Variants in BIVM observed in about 807,000 individuals in gnomAD.
The protein encoded by BIVM is basic immunoglobulin-like variable motif-containing protein.
Under a neutral mutation model 61.4 loss-of-function variants are expected in BIVM, and 31 were observed. The observed-to-expected ratio is 0.51, with a 90% CI of 0.38 to 0.68. The LOEUF (loss-of-function observed/expected upper bound fraction) is 0.68, where lower values mean the gene tolerates loss of function less well. Ranked by LOEUF, BIVM falls within the 30% of genes least tolerant of loss-of-function variation. The pLI is 0.00. For missense variants in BIVM, 526 were observed against 596.0 expected (o/e 0.88, Z 1.22); for synonymous variants, 189 against 210.7 (o/e 0.90, Z 0.89).
intron 7 of BIVM, among the ~76,000 whole-genome samples, chr13:102,825,101 C>T (rs528963098): frequency 6.6e-6 from 1 of 152,188 alleles, no homozygotes; most frequent in South Asian, 2.1e-4. Flanking sequence ...CACCACCATG[C>T]CCGGCTAATT....
chr13:102,806,727 A>G (rs976638197), intron 2 of BIVM, among the ~76,000 whole-genome samples: 9 of 152,076 alleles, frequency 5.9e-5, no homozygotes, highest in Non-Finnish European at 8.8e-5. Flanking sequence ...CCTGACCAAG[A>G]TGGAGAAACC....
At chr13:102,837,769 A>G (rs1364722908) in intron 9 of BIVM, among the ~76,000 whole-genome samples, 1 of 152,260 alleles carries the variant, frequency 6.6e-6, no homozygotes, top group Non-Finnish European at 1.5e-5. Flanking sequence ...GTGGAGCCGG[A>G]GGCCGTTATT....
intron 2 of BIVM, among the ~76,000 whole-genome samples, chr13:102,806,597 T>C (rs1266051501): frequency 6.6e-6 from 1 of 152,198 alleles, no homozygotes; most frequent in Non-Finnish European, 1.5e-5. Flanking sequence ...ATTCAGATAC[T>C]TTGCCCATTT....
At chr13:102,826,424 C>T (rs1880674347) in intron 7 of BIVM, among the ~76,000 whole-genome samples, 1 of 152,178 alleles carries the variant, frequency 6.6e-6, no homozygotes, top group Non-Finnish European at 1.5e-5. Context: ...AACTTTACAT[C>T]TTAGCAGTGC....
At chr13:102,821,320 A>G (rs1459087649) in intron 5 of BIVM, among the ~76,000 whole-genome samples, 188 bp downstream of exon 5, 1 of 152,206 alleles carries the variant, frequency 6.6e-6, no homozygotes, top group Non-Finnish European at 1.5e-5. Flanking sequence ...TGGGCTGGGT[A>G]CAGTGGCCCA....
chr13:102,822,479 C>A (rs565385611), intron 7 of BIVM, among the ~76,000 whole-genome samples: 1 of 152,114 alleles, frequency 6.6e-6, no homozygotes, highest in Non-Finnish European at 1.5e-5. Flanking sequence ...TGCGTGTGTA[C>A]GCGCACATGC....
Position 102,807,130 on chromosome 13 carries a change from T to C in BIVM, c.-122-16T>C, listed in dbSNP as rs990669019. 1.1e-6 allele frequency: 1 copy of C among 879,182 alleles called. No individual in the cohort carries two copies. The highest frequency in any genetic ancestry group is 1.7e-5 in the African/African-American group (1 of 59,262). 54.5% of individuals were successfully genotyped at this position (879,182 alleles called of 1,614,324 possible). On this transcript the variant is annotated splice_polypyrimidine_tract_variant and intron_variant, in intron 2 of 10. Coordinates refer to ENST00000257336, the MANE Select transcript of BIVM (RefSeq NM_017693.4). This position sits in a 1 kb window ranked among gnomAD's most constrained non-coding sequence, Gnocchi z 4.0. ...TATCTGGTGGATTGTTGATCATTCTTTTTCCTTCCTCTTAGGAGCTCATTT... is the reference window on the plus strand; with the variant it reads ...TATCTGGTGGATTGTTGATCATTCTCTTTCCTTCCTCTTAGGAGCTCATTT...
chr13:102,838,177 A>T (rs887685003), intron 9 of BIVM, among the ~76,000 whole-genome samples: 5 of 152,228 alleles, frequency 3.3e-5, no homozygotes, highest in Non-Finnish European at 5.9e-5. Context: ...ACAAAAATAC[A>T]ATTGATTTTC....
At position 102,840,798 on chromosome 13, in the gene BIVM, A is replaced by C. The variant is rs964286371; in HGVS notation, c.*933A>C. On this transcript the variant is annotated 3_prime_UTR_variant, in exon 11 of 11. Coordinates refer to ENST00000257336, the MANE Select transcript of BIVM (RefSeq NM_017693.4). Reference sequence around the variant, plus strand: ...TGTGGTTTGTAATAATCAAATATTGACAAGAACCTTAGGTCTCGAAAGACT... The same window carrying C: ...TGTGGTTTGTAATAATCAAATATTGCCAAGAACCTTAGGTCTCGAAAGACT... The C allele has an allele frequency of 1.3e-5, 2 of 152,048 alleles. No individual in the cohort carries two copies. Among genetic ancestry groups the C allele is most frequent in the Non-Finnish European group, 2.9e-5 (2 of 68,030 alleles). The allele number at this position is 152,048 out of a possible 1,614,324, so 9.4% of individuals were successfully genotyped here. A position where few individuals can be genotyped will look rare whatever the true frequency, so the allele number is the denominator to read the frequency against.
chr13:102,830,188 T>C (rs1880967646), intron 7 of BIVM, among the ~76,000 whole-genome samples: 1 of 152,218 alleles, frequency 6.6e-6, no homozygotes, highest in Non-Finnish European at 1.5e-5. Flanking sequence ...GGCACTATCT[T>C]ATTCCACCTT....
At chr13:102,835,148 G>T (rs1389981295) in intron 9 of BIVM, among the ~76,000 whole-genome samples, 2 of 152,120 alleles carry the variant, frequency 1.3e-5, no homozygotes, top group Non-Finnish European at 2.9e-5. Flanking sequence ...GGAGGCTGAG[G>T]TGGGAGGATC....
In BIVM at chr13:102,822,045, A is replaced by G. The variant is rs749763066; in HGVS notation, c.807-20A>G. ...TGTTGTAGAATTGTTGCCATGAACA[A>G]ATCTTCTTGTTACTTTCAGGTGGTT... On this transcript the variant is annotated intron_variant, in intron 6 of 10. Coordinates refer to ENST00000257336, the MANE Select transcript of BIVM (RefSeq NM_017693.4). 1 of 1,610,982 alleles carries G rather than the reference A, an allele frequency of 6.2e-7. No homozygotes were observed. Among genetic ancestry groups the G allele is most frequent in the South Asian group, 1.1e-5 (1 of 90,422 alleles).
chr13:102,827,925 G>T (rs761875512), intron 7 of BIVM, among the ~76,000 whole-genome samples: 3 of 152,192 alleles, frequency 2.0e-5, no homozygotes, highest in Non-Finnish European at 4.4e-5. Context: ...TTCTCTCTGG[G>T]ATGTTCACTG....
chr13:102,821,779 T>C lies in BIVM; in HGVS notation c.738T>C (p.Ile246=). The change falls in exon 6 of 11, where the codon ATT becomes ATC. Residue 246 remains isoleucine (I), a synonymous_variant. Coordinates refer to ENST00000257336, the MANE Select transcript of BIVM (RefSeq NM_017693.4). ...PPITQEEALH[I]LGFQPPFEDI... ...TTACCCAAGAAGAAGCTTTACATATTCTGGGCTTTCAACCTCCATTTGAAG... is the reference window on the plus strand; with the variant it reads ...TTACCCAAGAAGAAGCTTTACATATCCTGGGCTTTCAACCTCCATTTGAAG... 6.2e-7 allele frequency: 1 copy of C among 1,614,082 alleles called. No individual in the cohort carries two copies. The highest frequency in any genetic ancestry group is 8.5e-7 in the Non-Finnish European group (1 of 1,179,984).
chr13:102,833,174 G>A (rs1243208425), intron 8 of BIVM, among the ~76,000 whole-genome samples: 1 of 151,534 alleles, frequency 6.6e-6, no homozygotes, highest in Non-Finnish European at 1.5e-5. Flanking sequence ...CGGGAGGATC[G>A]CCTGAGCTGA....
chr13:102,816,336 GTTAC>G lies in BIVM; in HGVS notation c.479-89_479-86del, dbSNP rs1307874750. ...CTTTCTCAGCAGAATTATTAAGGCA[GTTAC>G]TTCTTAATTTTGGTGCATAATTAAT... On this transcript the variant is annotated intron_variant, in intron 3 of 10. Transcript: ENST00000257336. 5.6e-6 allele frequency: 7 copies of G among 1,247,322 alleles called. 1 individual carries two copies. In the African/African-American group the frequency reaches 1.1e-4, roughly 20 times the overall value. 77.3% of individuals were successfully genotyped at this position (1,247,322 alleles called of 1,614,324 possible). A position where few individuals can be genotyped will look rare whatever the true frequency, so the allele number is the denominator to read the frequency against.
chr13:102,811,380 C>A (rs1258736806), intron 3 of BIVM, among the ~76,000 whole-genome samples: 1 of 151,910 alleles, frequency 6.6e-6, no homozygotes, highest in African/African-American at 2.4e-5. Context: ...TTTTTTATTT[C>A]AGCACTTTGA....
chr13:102,802,412 T>C (rs1878803846), intron 1 of BIVM, among the ~76,000 whole-genome samples: 1 of 152,228 alleles, frequency 6.6e-6, no homozygotes, highest in African/African-American at 2.4e-5. Flanking sequence ...GGAAAGAAAG[T>C]AAACACTAGC....
chr13:102,828,224 A>G (rs1458379624), intron 7 of BIVM, among the ~76,000 whole-genome samples: 1 of 152,224 alleles, frequency 6.6e-6, no homozygotes, highest in African/African-American at 2.4e-5. Flanking sequence ...ACTAGTCACA[A>G]TGAAAATTTA....
Sources: allele counts gnomAD v4.1 joint callset (sites outside exome capture counted in the v4.1 genomes callset), GRCh38; gene constraint gnomAD v4.1.1; non-coding constraint Gnocchi (gnomAD v3.1); transcripts MANE v1.5; gene names NCBI Gene and HGNC (gene_info 2026-07-23, HGNC 2026-07-21).